Variants in ZNF804B observed in about 807,000 individuals in gnomAD.
ZNF804B encodes the protein zinc finger 804B.
In ZNF804B, 80 loss-of-function variants were observed where a neutral mutation model predicts 101.4. The ratio of observed to expected loss-of-function variants is 0.79; its 90% CI spans 0.66 to 0.95. The LOEUF (loss-of-function observed/expected upper bound fraction) is 0.95, where lower values mean the gene tolerates loss of function less well. Among genes scored for constraint, ZNF804B ranks in the 40% least tolerant of loss-of-function variants. The pLI is 0.00. For synonymous variants in ZNF804B, 622 were observed against 558.8 expected (o/e 1.11, Z -1.59); for missense variants, 1,673 against 1,561.9 (o/e 1.07, Z -1.20).
chr7:88,843,533 C>T (rs936014704), intron 1 of ZNF804B, among the ~76,000 whole-genome samples: 1 of 152,002 alleles, frequency 6.6e-6, no homozygotes, highest in African/African-American at 2.4e-5. Flanking sequence ...GTCAGGAGAT[C>T]GAGCCCATCC....
At chr7:89,310,807 TC>T (rs1790640735) in intron 2 of ZNF804B, among the ~76,000 whole-genome samples, 2 of 152,260 alleles carry the variant, frequency 1.3e-5, no homozygotes, top group African/African-American at 4.8e-5. Context: ...GTAGGTCAAG[TC>T]CTTTTTATGA....
chr7:89,209,841 T>C (rs575577956), intron 1 of ZNF804B, among the ~76,000 whole-genome samples: 196 of 152,294 alleles, frequency 1.3e-3, no homozygotes, highest in African/African-American at 4.5e-3. Flanking sequence ...ATGCAAAGAC[T>C]ATCCTTTTTA....
intron 1 of ZNF804B, among the ~76,000 whole-genome samples, chr7:89,113,407 AG>A (rs944761906): frequency 4.5e-4 from 68 of 152,318 alleles, no homozygotes; most frequent in African/African-American, 1.6e-3. Flanking sequence ...TGAAAGCGCA[AG>A]GGGAAACCAA....
chr7:89,209,898 C>T (rs978515251), intron 1 of ZNF804B, among the ~76,000 whole-genome samples: 1 of 152,102 alleles, frequency 6.6e-6, no homozygotes, highest in Non-Finnish European at 1.5e-5. Context: ...CCTGTAATCT[C>T]AACACTTTGG....
In ZNF804B at chr7:88,978,798, C is replaced by CCTTG. The variant is rs1254607496; in HGVS notation, c.108+218715_108+218716insTTGC. On this transcript the variant is annotated intron_variant, in intron 1 of 3. Coordinates refer to ENST00000333190, the MANE Select transcript of ZNF804B (RefSeq NM_181646.5). The stretch of plus-strand genomic sequence containing the variant: ...TCTCTCCCTTCCTCCCTCTCTCCCT[C>CCTTG]CCTGCCTCCCTCCCTCCCTCCCTCC... Among the ~76,000 whole-genome samples the CCTTG allele has an allele frequency of 2.6e-3, 199 of 76,044 alleles. 2 individuals are homozygous for CCTTG. Among genetic ancestry groups the CCTTG allele is most frequent in the African/African-American group, 0.013 (193 of 15,042 alleles). 49.9% of individuals were successfully genotyped at this position (76,044 alleles called of 152,430 possible). A position where few individuals can be genotyped will look rare whatever the true frequency, so the allele number is the denominator to read the frequency against.
At chr7:89,300,716 A>G (rs1296589407) in intron 2 of ZNF804B, among the ~76,000 whole-genome samples, 1 of 151,986 alleles carries the variant, frequency 6.6e-6, no homozygotes, top group East Asian at 1.9e-4. Context: ...TGCCTAAATC[A>G]TGTGTGATAT....
chr7:88,868,092 G>C (rs919613535), intron 1 of ZNF804B, among the ~76,000 whole-genome samples: 4 of 147,104 alleles, frequency 2.7e-5, no homozygotes, highest in Non-Finnish European at 6.0e-5. Flanking sequence ...TGTGTATTAT[G>C]CTTTTCTTTA....
intron 1 of ZNF804B, among the ~76,000 whole-genome samples, chr7:89,106,864 T>TA (rs1790144450): frequency 6.6e-6 from 1 of 152,140 alleles, no homozygotes; most frequent in South Asian, 2.1e-4. Flanking sequence ...AGATACATTA[T>TA]ATCTTTGAAT....
At chr7:88,875,702 T>G (rs1469273026) in intron 1 of ZNF804B, among the ~76,000 whole-genome samples, 1 of 152,022 alleles carries the variant, frequency 6.6e-6, no homozygotes, top group East Asian at 1.9e-4. Context: ...CAGGACCAGA[T>G]GGATTCACAG....
intron 1 of ZNF804B, among the ~76,000 whole-genome samples, chr7:89,059,219 G>A (rs1202410054): frequency 6.6e-6 from 1 of 152,100 alleles, no homozygotes; most frequent in Admixed American, 6.6e-5. Context: ...ATCACATTAA[G>A]TGAAATTATT....
At chr7:88,938,525 A>G (rs777406395) in intron 1 of ZNF804B, among the ~76,000 whole-genome samples, 1 of 152,022 alleles carries the variant, frequency 6.6e-6, no homozygotes, top group Non-Finnish European at 1.5e-5. Context: ...TTGGAAAATC[A>G]TGATATATAG....
At chr7:88,776,780 A>ACCCCCCCCCCCCC (rs10707553) in intron 1 of ZNF804B, among the ~76,000 whole-genome samples, 7 of 83,486 alleles carry the variant, frequency 8.4e-5, no homozygotes, top group Non-Finnish European at 1.4e-4. Context: ...TAACCCATAA[A>ACCCCCCCCCCCCC]CCCCCCCCCC....
chr7:89,111,109 C>A (rs555862735), intron 1 of ZNF804B, among the ~76,000 whole-genome samples: 1 of 152,170 alleles, frequency 6.6e-6, no homozygotes, highest in African/African-American at 2.4e-5. Context: ...CTGGATACAC[C>A]ACAGTTTATC....
rs534172066 is a variant in ZNF804B, at chr7:88,796,238, A to C, written c.108+36154A>C. On this transcript the variant is annotated intron_variant, in intron 1 of 3. Transcript: ENST00000333190. ...AAAAAACGTTTATTCAATTTTTAAC[A>C]ATGAAACCTAAGAATAATTTTTTCC... Among the ~76,000 whole-genome samples, 103 of 152,234 alleles carry C rather than the reference A, an allele frequency of 6.8e-4. 1 individual carries two copies. The highest frequency in any genetic ancestry group is 3.4e-3 in the Middle Eastern group (1 of 294).
At chr7:89,281,895 C>CT in intron 2 of ZNF804B, among the ~76,000 whole-genome samples, 1 of 152,214 alleles carries the variant, frequency 6.6e-6, no homozygotes, top group Middle Eastern at 3.4e-3. Flanking sequence ...CTCAGCTTAA[C>CT]ATGTGGCCCT....
chr7:89,213,263 G>A (rs1788832596), intron 1 of ZNF804B, among the ~76,000 whole-genome samples: 1 of 152,126 alleles, frequency 6.6e-6, no homozygotes, highest in African/African-American at 2.4e-5. Context: ...ATTGGAAGAG[G>A]GGAAAATTCA....
chr7:89,138,467 A>G (rs1790669376), intron 1 of ZNF804B, among the ~76,000 whole-genome samples: 1 of 152,112 alleles, frequency 6.6e-6, no homozygotes, highest in African/African-American at 2.4e-5. Flanking sequence ...GTCTCAGATG[A>G]GACTTTGTAC....
chr7:89,265,178 T>C (rs1789767602), intron 2 of ZNF804B, among the ~76,000 whole-genome samples: 1 of 152,130 alleles, frequency 6.6e-6, no homozygotes, highest in South Asian at 2.1e-4. Flanking sequence ...TGATGATAGA[T>C]GAAATGGCAA....
intron 2 of ZNF804B, among the ~76,000 whole-genome samples, chr7:89,266,693 T>C (rs1018707080): frequency 1.1e-4 from 16 of 152,192 alleles, no homozygotes; most frequent in African/African-American, 3.6e-4. Flanking sequence ...TGTACTTCAT[T>C]GGTCATTTTA....
Sources: gnomAD v4.1 joint callset for allele counts (sites outside exome capture counted in the v4.1 genomes callset) on GRCh38, gnomAD v4.1.1 for gene constraint, MANE v1.5 for transcripts, NCBI Gene and HGNC (gene_info 2026-07-23, HGNC 2026-07-21) for gene names.